RTN4: variants seen among roughly 807,000 people sequenced by gnomAD.
RTN4 encodes the protein reticulon-4.
RTN4 carries 32 observed loss-of-function variants against 90.4 expected under a neutral mutation model. The observed-to-expected ratio is 0.35, with a 90% confidence interval of 0.27 to 0.48. The LOEUF (loss-of-function observed/expected upper bound fraction) is 0.48, where lower values mean the gene tolerates loss of function less well. Ranked by LOEUF, RTN4 falls within the 20% of genes least tolerant of loss-of-function variation. The pLI is 0.99. For synonymous variants in RTN4, 629 were observed against 552.5 expected (o/e 1.14, Z -1.94); for missense variants, 1,706 against 1,430.2 (o/e 1.19, Z -3.11).
Position 55,027,295 on chromosome 2 carries a change from A to G in RTN4, c.804T>C (p.Asn268=), listed in dbSNP as rs201104714. The change falls in exon 3 of 9, where the codon AAT becomes AAC. Residue 268 remains asparagine, a synonymous_variant. Coordinates refer to ENST00000337526, the MANE Select transcript of RTN4 (RefSeq NM_020532.5). ...AGACCTCTTTAGAAGCTTCACTGACATTTTCTTGAAGTGTTCCTTCAGTGG... is the reference window on the plus strand; with the variant it reads ...AGACCTCTTTAGAAGCTTCACTGACGTTTTCTTGAAGTGTTCCTTCAGTGG... The part of the protein sequence containing the change: ...VLPTEGTLQE[N]VSEASKEVSE... 9.9e-6 allele frequency: 16 copies of G among 1,613,512 alleles called. No individual in the cohort carries two copies. In the East Asian group the frequency reaches 1.8e-4, roughly 18 times the overall value.
the RTN4 span, among the ~76,000 whole-genome samples, chr2:55,130,255 A>G: frequency 6.6e-6 from 1 of 152,252 alleles, no homozygotes; most frequent in Non-Finnish European, 1.5e-5. Flanking sequence ...TTGTTTAACA[A>G]TATGCACAAT....
intron 1 of RTN4, among the ~76,000 whole-genome samples, chr2:55,032,819 G>A (rs1336262121): frequency 2.0e-5 from 3 of 152,082 alleles, no homozygotes; most frequent in Admixed American, 6.6e-5. Context: ...CTTGAGGCCA[G>A]GAGTTGGGAC....
At chr2:54,998,301 C>T (rs1679602744) in intron 3 of RTN4, among the ~76,000 whole-genome samples, 1 of 152,044 alleles carries the variant, frequency 6.6e-6, no homozygotes. Flanking sequence ...GTCATTTCAA[C>T]ATACTTCTCT....
At chr2:55,125,432 A>C in the RTN4 span, among the ~76,000 whole-genome samples, 1 of 152,214 alleles carries the variant, frequency 6.6e-6, no homozygotes, top group Non-Finnish European at 1.5e-5. Context: ...AAACAACCCC[A>C]TTAAAAAGTG....
chr2:55,136,724 T>C, the RTN4 span, among the ~76,000 whole-genome samples: 1 of 152,264 alleles, frequency 6.6e-6, no homozygotes, highest in South Asian at 2.1e-4. Context: ...ACCTGTTTCT[T>C]TTAACGTTGT....
At position 55,026,818 on chromosome 2, in the gene RTN4, A is replaced by G. The variant is rs1681922753; in HGVS notation, c.1281T>C (p.Asp427=). Reference sequence around the variant, plus strand: ...TTTCGTGATTAGTTTGCTCAAGGCTATCTGCAAAACATTTTTTATCCACTT... The same window carrying G: ...TTTCGTGATTAGTTTGCTCAAGGCTGTCTGCAAAACATTTTTTATCCACTT... ...ESKVDKKCFA[D]SLEQTNHEKD... The change falls in exon 3 of 9, where the codon GAT becomes GAC. Residue 427 remains aspartate, a synonymous_variant. Transcript: ENST00000337526. 2 of 1,613,956 alleles carry G rather than the reference A, an allele frequency of 1.2e-6. No homozygotes were observed. The highest frequency in any genetic ancestry group is 2.2e-5 in the East Asian group (1 of 44,868).
At chr2:55,002,207 C>T (rs13394824) in intron 3 of RTN4, among the ~76,000 whole-genome samples, 16,244 of 151,736 alleles carry the variant, frequency 0.11, 1,370 homozygotes, top group African/African-American at 0.23. Flanking sequence ...CATAGGCGTG[C>T]ACCACCACAC....
intron 3 of RTN4, among the ~76,000 whole-genome samples, chr2:55,017,369 T>G (rs980975235): frequency 5.9e-5 from 9 of 152,216 alleles, no homozygotes; most frequent in Non-Finnish European, 1.2e-4. Flanking sequence ...ATATATAAGT[T>G]TGCAAAGCTA....
intron 3 of RTN4, among the ~76,000 whole-genome samples, chr2:55,005,244 G>A (rs1409200847): frequency 2.0e-5 from 3 of 152,086 alleles, no homozygotes; most frequent in Non-Finnish European, 1.5e-5. Flanking sequence ...TTTTAATTTC[G>A]CTGTGACACA....
chr2:55,109,776 A>G (rs1668004165), intron 1 of RTN4, among the ~76,000 whole-genome samples: 1 of 152,186 alleles, frequency 6.6e-6, no homozygotes, highest in Admixed American at 6.5e-5. Context: ...GGCAAACAGG[A>G]GCTCCAGGCA....
chr2:55,099,095 T>C (rs915385204), intron 1 of RTN4, among the ~76,000 whole-genome samples: 12 of 152,134 alleles, frequency 7.9e-5, no homozygotes, highest in Admixed American at 7.9e-4. Context: ...GGGGACTCTA[T>C]TACTCCTTTG....
the RTN4 span, among the ~76,000 whole-genome samples, chr2:55,134,898 A>G: frequency 5.9e-5 from 9 of 152,330 alleles, no homozygotes; most frequent in East Asian, 1.7e-3. Context: ...TCTGCTGTCC[A>G]ACATAGTAGC....
chr2:55,006,530 G>T (rs1680239433), intron 3 of RTN4, among the ~76,000 whole-genome samples: 1 of 152,134 alleles, frequency 6.6e-6, no homozygotes, highest in African/African-American at 2.4e-5. Flanking sequence ...TCTCTACACG[G>T]AAGTATGCTG....
In RTN4 at chr2:55,027,503, A is replaced by G. The variant is rs1415446134; in HGVS notation, c.614-18T>C. ...CATATTTTCTGTGACCATGGACAGA[A>G]AGGAAAGTTAGAGAATGCCAGTGTT... On this transcript the variant is annotated intron_variant, in intron 2 of 8. Coordinates refer to ENST00000337526, the MANE Select transcript of RTN4 (RefSeq NM_020532.5). 6.4e-7 allele frequency: 1 copy of G among 1,574,088 alleles called. No individual in the cohort carries two copies. The highest frequency in any genetic ancestry group is 2.2e-5 in the East Asian group (1 of 44,626).
chr2:55,069,776 G>C (rs1368458331), intron 2 of RTN4, among the ~76,000 whole-genome samples: 2 of 152,212 alleles, frequency 1.3e-5, no homozygotes, highest in South Asian at 4.1e-4. Context: ...ACGAAGTTCA[G>C]TGTTTTCTCT....
chr2:55,110,028 G>A (rs1668008268), intron 1 of RTN4, among the ~76,000 whole-genome samples: 1 of 152,158 alleles, frequency 6.6e-6, no homozygotes, highest in Admixed American at 6.5e-5. Flanking sequence ...GAATCTCAGG[G>A]CTGGGCGTGG....
intron 1 of RTN4, among the ~76,000 whole-genome samples, chr2:55,031,087 A>G (rs902147669): frequency 6.6e-6 from 1 of 152,192 alleles, no homozygotes. Flanking sequence ...AATCATATCT[A>G]ATTACAATAC....
chr2:55,076,497 T>C (rs184745061), intron 2 of RTN4, among the ~76,000 whole-genome samples: 1 of 149,880 alleles, frequency 6.7e-6, no homozygotes, highest in East Asian at 2.0e-4. Context: ...CTTCCCAGGT[T>C]CTAGTGATTT....
intron 1 of RTN4, among the ~76,000 whole-genome samples, chr2:55,105,896 C>A (rs977030472): frequency 6.6e-6 from 1 of 152,090 alleles, no homozygotes; most frequent in South Asian, 2.1e-4. Flanking sequence ...CAGAGGATCG[C>A]TTGCACCCAG....
Sources: allele counts gnomAD v4.1 joint callset (sites outside exome capture counted in the v4.1 genomes callset), GRCh38; gene constraint gnomAD v4.1.1; transcripts MANE v1.5; gene names NCBI Gene and HGNC (gene_info 2026-07-23, HGNC 2026-07-21).